FGD5: variants seen among roughly 807,000 people sequenced by gnomAD.
FGD5 encodes the protein FYVE, RhoGEF and PH domain-containing protein 5.
Under a neutral mutation model 133.4 loss-of-function variants are expected in FGD5, and 28 were observed. The observed-to-expected ratio is 0.21, with a 90% CI of 0.16 to 0.29. FGD5 has a LOEUF of 0.29. FGD5 is among the 10% of genes least tolerant of loss of function. The probability of loss-of-function intolerance (pLI) is 1.00; values close to 1 mark genes in which losing one functional copy is unlikely to be tolerated. For missense variants in FGD5, 1,858 were observed against 1,895.2 expected (o/e 0.98, Z 0.36); for synonymous variants, 810 against 776.5 (o/e 1.04, Z -0.72).
At position 14,922,967 on chromosome 3, in the gene FGD5, A is replaced by G; in HGVS notation, c.3808-79A>G. 1 of 1,591,938 alleles carries G rather than the reference A, an allele frequency of 6.3e-7. No individual in the cohort carries two copies. On this transcript the variant is annotated intron_variant, in intron 15 of 19. Coordinates refer to ENST00000285046, the MANE Select transcript of FGD5 (RefSeq NM_152536.4). This position sits in a 1 kb window ranked among gnomAD's most constrained non-coding sequence, Gnocchi z 4.1. ...TAGGGGCAGTTGTGGGTGGATTAGC[A>G]GAGGGAGCGGAGGGGAGGGGTGCAG...
chr3:14,911,668 C>G (rs2038451838), intron 11 of FGD5, among the ~76,000 whole-genome samples: 1 of 151,464 alleles, frequency 6.6e-6, no homozygotes, highest in Non-Finnish European at 1.5e-5. Context: ...TGTGCTGGTG[C>G]TGGAAACAAA....
chr3:14,835,255 T>C lies in FGD5; in HGVS notation c.2525+13659T>C, dbSNP rs192105582. ...GCTCACGCCTGTAATCCCAGTACTT[T>C]GGGAGGCTGAGGCAGACAGATCACC... is the stretch of plus-strand genomic sequence containing the variant. On this transcript the variant is annotated intron_variant, in intron 1 of 19. Coordinates refer to ENST00000285046, the MANE Select transcript of FGD5 (RefSeq NM_152536.4). Among the ~76,000 whole-genome samples the C allele has an allele frequency of 7.9e-4, 121 of 152,260 alleles. 1 individual carries two copies. Among genetic ancestry groups the C allele is most frequent in the Non-Finnish European group, 1.5e-3 (103 of 68,014 alleles).
Position 14,820,669 on chromosome 3 carries a change from C to A in FGD5, c.1598C>A (p.Ala533Asp), listed in dbSNP as rs2036475098. The A allele has an allele frequency of 5.0e-6, 8 of 1,593,280 alleles. No individual in the cohort carries two copies. The East Asian group carries it at 6.7e-5, about 13-fold the overall frequency. The change falls in exon 1 of 20, where the codon GCC (alanine) becomes GAC (aspartate). Residue 533 changes from alanine to aspartate, a missense_variant. Coordinates refer to ENST00000285046, the MANE Select transcript of FGD5 (RefSeq NM_152536.4). ...TCATTGGAGGGGAAGCCCTTGGAAG[C>A]CAGCAGGGCCTTGCCAGCAAAGCCC... is the stretch of plus-strand genomic sequence containing the variant. ...LLSLEGKPLE[A>D]SRALPAKPRA...
At chr3:14,923,405 G>T in intron 16 of FGD5, 1 of 583,442 alleles carries the variant, frequency 1.7e-6, no homozygotes, top group East Asian at 3.2e-5. Context: ...GCTAAGCTTA[G>T]GAATCAGTGT....
chr3:14,923,682 G>A (rs1051314484), intron 16 of FGD5, among the ~76,000 whole-genome samples: 3 of 152,188 alleles, frequency 2.0e-5, no homozygotes, highest in Non-Finnish European at 4.4e-5. Flanking sequence ...GAGAGCAGGT[G>A]TATCTTGGGC....
At chr3:14,887,381 A>T (rs2342884) in intron 4 of FGD5, among the ~76,000 whole-genome samples, 105,217 of 150,974 alleles carry the variant, frequency 0.7, 36,741 homozygotes, top group Non-Finnish European at 0.72. Context: ...CTTTCTTCAG[A>T]CAAAAAAAAC....
At position 14,901,069 on chromosome 3, in the gene FGD5, C is replaced by T. The variant is rs369099481; in HGVS notation, c.3264+8C>T. 113 of 1,613,896 alleles carry T rather than the reference C, an allele frequency of 7.0e-5. 1 individual carries two copies. The highest frequency in any genetic ancestry group is 9.0e-5 in the Non-Finnish European group (106 of 1,179,872). On this transcript the variant is annotated splice_region_variant and intron_variant, in intron 9 of 19. Transcript: ENST00000285046. ...GACAGCATGGAGCAAGGGGTGAGTG[C>T]GGCCTGGCGGCCCCCTTCCTCAGAC...
At chr3:14,932,311 G>C (rs1157499284) in intron 18 of FGD5, 1 of 321,290 alleles carries the variant, frequency 3.1e-6, no homozygotes, top group Non-Finnish European at 5.7e-6. Context: ...TCGAACTCCT[G>C]ACCTCAGGTG....
At chr3:14,911,956 A>G (rs1489134522) in intron 11 of FGD5, among the ~76,000 whole-genome samples, 1 of 151,684 alleles carries the variant, frequency 6.6e-6, no homozygotes, top group Non-Finnish European at 1.5e-5. Flanking sequence ...TGGAGGAAGG[A>G]TGGGAGTTTG....
intron 1 of FGD5, among the ~76,000 whole-genome samples, chr3:14,851,175 A>G (rs911438924): frequency 1.3e-5 from 2 of 152,136 alleles, no homozygotes; most frequent in Admixed American, 6.5e-5. Flanking sequence ...CCTGTAGCTC[A>G]GACGGACTCT....
Position 14,857,867 on chromosome 3 carries a change from TTCA to T in FGD5, c.2526-6260_2526-6258del, listed in dbSNP as rs751099225. 7.9e-5 allele frequency among the ~76,000 whole-genome samples: 12 copies of T among 152,300 alleles called. No individual in the cohort carries two copies. In the East Asian group the frequency reaches 1.5e-3, roughly 20 times the overall value. On this transcript the variant is annotated intron_variant, in intron 1 of 19. Transcript: ENST00000285046. Reference sequence around the variant, plus strand: ...CTTCTGAGTGCCTTTGTTGCATTATTTCAATGAATCCTCTAAATAATCTATACC... The same window carrying T: ...CTTCTGAGTGCCTTTGTTGCATTATTATGAATCCTCTAAATAATCTATACC...
intron 1 of FGD5, among the ~76,000 whole-genome samples, chr3:14,811,142 C>T (rs1232292718): frequency 1.3e-5 from 2 of 152,128 alleles, no homozygotes; most frequent in African/African-American, 2.4e-5. Flanking sequence ...CCCACTCGCA[C>T]GGCGTTCCCC....
intron 2 of FGD5, among the ~76,000 whole-genome samples, chr3:14,864,847 C>T (rs556834320): frequency 7.9e-5 from 12 of 152,252 alleles, no homozygotes; most frequent in African/African-American, 1.4e-4. Flanking sequence ...GGATAATATA[C>T]ACTCTCTATT....
intron 4 of FGD5, among the ~76,000 whole-genome samples, chr3:14,896,619 C>T (rs181259732): frequency 1.3e-5 from 2 of 151,944 alleles, no homozygotes; most frequent in Non-Finnish European, 2.9e-5. Flanking sequence ...TACAGGCATG[C>T]GCAACCACAC....
At chr3:14,872,249 T>A (rs536984778) in intron 2 of FGD5, among the ~76,000 whole-genome samples, 1 of 152,158 alleles carries the variant, frequency 6.6e-6, no homozygotes, top group African/African-American at 2.4e-5. Flanking sequence ...TTTATGTACT[T>A]CTCTGAATGT....
At chr3:14,863,191 A>C (rs1237994316) in intron 1 of FGD5, among the ~76,000 whole-genome samples, 1 of 152,190 alleles carries the variant, frequency 6.6e-6, no homozygotes. Context: ...GTAAGGATTT[A>C]ATAAGACCAA....
At chr3:14,850,934 C>T (rs1169431458) in intron 1 of FGD5, among the ~76,000 whole-genome samples, 2 of 152,084 alleles carry the variant, frequency 1.3e-5, no homozygotes, top group East Asian at 1.9e-4. Context: ...GTAGGCTGGT[C>T]GGTAATGCCA....
At chr3:14,876,575 A>G (rs1375777452) in intron 2 of FGD5, among the ~76,000 whole-genome samples, 1 of 152,226 alleles carries the variant, frequency 6.6e-6, no homozygotes, top group African/African-American at 2.4e-5. Context: ...AACAATCAAG[A>G]AAAAACAAAA....
At chr3:14,900,922 G>A in intron 8 of FGD5, 81 bp from the exon 9 acceptor site, 1 of 1,530,816 alleles carries the variant, frequency 6.5e-7, no homozygotes, top group Non-Finnish European at 9.1e-7. Flanking sequence ...CTGGGCTTGA[G>A]GCCTGTGACC....
Sources: allele counts gnomAD v4.1 joint callset (sites outside exome capture counted in the v4.1 genomes callset), GRCh38; gene constraint gnomAD v4.1.1; non-coding constraint Gnocchi (gnomAD v3.1); transcripts MANE v1.5; gene names NCBI Gene and HGNC (gene_info 2026-07-23, HGNC 2026-07-21).